Variants in SP4 observed in about 807,000 individuals in gnomAD.
SP4 encodes the protein Sp4 transcription factor.
A neutral mutation model predicts 72.8 loss-of-function variants in SP4; 19 were observed. That is an observed-to-expected ratio of 0.26 (90% CI 0.18 to 0.38). The LOEUF is 0.38. SP4 is among the 10% of genes least tolerant of loss of function. SP4 has a pLI of 1.00. For missense variants in SP4, 1,008 were observed against 926.3 expected, an observed-to-expected ratio of 1.09 and a Z score of -1.14; for synonymous variants, 395 against 333.1, an observed-to-expected ratio of 1.19 and a Z score of -2.02.
intron 3 of SP4, among the ~76,000 whole-genome samples, chr7:21,461,404 C>T (rs117275624): frequency 0.013 from 1,927 of 152,266 alleles, 15 homozygotes; most frequent in South Asian, 0.034. Context: ...TAAGGCCTGG[C>T]GAGAAATCGA....
intron 3 of SP4, among the ~76,000 whole-genome samples, chr7:21,460,036 G>C (rs958549778): frequency 1.3e-5 from 2 of 152,206 alleles, no homozygotes; most frequent in Non-Finnish European, 2.9e-5. Context: ...TCTTCTGAGA[G>C]CCAGGGCAGA....
intron 3 of SP4, among the ~76,000 whole-genome samples, chr7:21,466,274 C>G (rs1002345213): frequency 6.6e-6 from 1 of 152,160 alleles, no homozygotes. Flanking sequence ...AATCTCACTT[C>G]TATACTAAGT....
At position 21,430,177 on chromosome 7, in the gene SP4, T is replaced by G. The variant is rs1298385192; in HGVS notation, c.1012T>G (p.Leu338Val). 1 of 1,614,162 alleles carries G rather than the reference T, an allele frequency of 6.2e-7. No individual in the cohort carries two copies. Among genetic ancestry groups the G allele is most frequent in the East Asian group, 2.2e-5 (1 of 44,882 alleles). ...ASTSLTSSDT[L>V]VSSADTGQYA... is the part of the protein sequence containing the mutation. ...AACGTCTTTGACAAGCAGTGACACA[T>G]TAGTGAGCTCAGCAGATACTGGCCA... Residue 338 changes from leucine (L) to valine (V), a missense_variant, in exon 3 of 6, where the codon TTA becomes GTA. This residue lies in a region of SP4 where 893 missense variants were observed against 743.3 expected (regional missense o/e 1.20). Coordinates refer to ENST00000222584, the MANE Select transcript of SP4 (RefSeq NM_003112.5).
chr7:21,461,222 TG>T (rs1783967120), intron 3 of SP4, among the ~76,000 whole-genome samples: 4 of 152,100 alleles, frequency 2.6e-5, no homozygotes, highest in Admixed American at 2.0e-4. Flanking sequence ...GGGCAGTCGA[TG>T]GGACCGGGTG....
intron 5 of SP4, among the ~76,000 whole-genome samples, chr7:21,498,616 A>G (rs1191002583): frequency 6.6e-6 from 1 of 152,202 alleles, no homozygotes; most frequent in Non-Finnish European, 1.5e-5. Flanking sequence ...AACAACACAG[A>G]GGTGAGGCAA....
At chr7:21,468,068 G>A (rs958324490) in intron 3 of SP4, among the ~76,000 whole-genome samples, 5 of 152,128 alleles carry the variant, frequency 3.3e-5, no homozygotes, top group African/African-American at 1.2e-4. Flanking sequence ...TTTACTATAA[G>A]AAAAAACCTT....
In SP4 at chr7:21,512,292, A is replaced by G. The variant is rs1446231983; in HGVS notation, c.*1023A>G. Reference sequence around the variant, plus strand: ...GCCAGCAGAAAATTCTCTTTTAACTACATTGTAATTCTTGTTTTCCTCTAC... The same window carrying G: ...GCCAGCAGAAAATTCTCTTTTAACTGCATTGTAATTCTTGTTTTCCTCTAC... On this transcript the variant is annotated 3_prime_UTR_variant, in exon 6 of 6. Transcript: ENST00000222584. The G allele has an allele frequency of 6.6e-6, 1 of 152,594 alleles. No homozygotes were observed. The highest frequency in any genetic ancestry group is 1.5e-5 in the Non-Finnish European group (1 of 68,036). The allele number at this position is 152,594 out of a possible 1,614,324, so 9.5% of individuals were successfully genotyped here.
In SP4 at chr7:21,430,428, A is replaced by C. The variant is rs780356227; in HGVS notation, c.1263A>C (p.Pro421=). ...AGCAACAGATCATTCAGGCTATTCCACCACAGTCGTTTCAACTCCAGTCAG... is the reference window on the plus strand; with the variant it reads ...AGCAACAGATCATTCAGGCTATTCCCCCACAGTCGTTTCAACTCCAGTCAG... ...QPQQQIIQAI[P]PQSFQLQSGQ... The change falls in exon 3 of 6, where the codon CCA becomes CCC. Residue 421 remains proline, a synonymous_variant. Transcript: ENST00000222584. The C allele has an allele frequency of 6.2e-7, 1 of 1,614,176 alleles. No individual in the cohort carries two copies. Among genetic ancestry groups the C allele is most frequent in the Non-Finnish European group, 8.5e-7 (1 of 1,180,034 alleles).
At chr7:21,485,409 T>C (rs1404204549) in intron 5 of SP4, among the ~76,000 whole-genome samples, 3 of 152,016 alleles carry the variant, frequency 2.0e-5, no homozygotes, top group African/African-American at 7.2e-5. Flanking sequence ...AAGTTTACTG[T>C]AATAAGGAGG....
At position 21,430,590 on chromosome 7, in the gene SP4, G is replaced by C. The variant is rs1782809910; in HGVS notation, c.1425G>C (p.Gln475His). 3.7e-6 allele frequency: 6 copies of C among 1,614,256 alleles called. No individual in the cohort carries two copies. The highest frequency in any genetic ancestry group is 5.1e-6 in the Non-Finnish European group (6 of 1,180,048). The change falls in exon 3 of 6, where the codon CAG becomes CAC. Residue 475 changes from glutamine (Q) to histidine (H), a missense_variant. This residue lies in a region of SP4 where 893 missense variants were observed against 743.3 expected (regional missense o/e 1.20). Coordinates refer to ENST00000222584, the MANE Select transcript of SP4 (RefSeq NM_003112.5). ...GQISWQTVQV[Q>H]NIQSLSNLQV... ...TCAGTTGGCAAACTGTACAGGTTCA[G>C]AATATTCAGAGTCTTTCAAATTTGC...
intron 3 of SP4, among the ~76,000 whole-genome samples, chr7:21,435,473 T>C (rs1197651488): frequency 2.0e-5 from 3 of 152,212 alleles, no homozygotes; most frequent in African/African-American, 2.4e-5. Flanking sequence ...CTTCTTACAC[T>C]GATCTTTTTT....
chr7:21,465,703 T>C (rs2128404130), intron 3 of SP4, among the ~76,000 whole-genome samples: 2 of 152,112 alleles, frequency 1.3e-5, no homozygotes, highest in East Asian at 3.8e-4. Context: ...CAAGACCTTG[T>C]CACAATAAAA....
chr7:21,469,932 T>A (rs568247896), intron 3 of SP4, among the ~76,000 whole-genome samples: 1 of 152,196 alleles, frequency 6.6e-6, no homozygotes, highest in African/African-American at 2.4e-5. Flanking sequence ...GCAAATGTCA[T>A]AGGAGAAATC....
intron 5 of SP4, among the ~76,000 whole-genome samples, chr7:21,507,358 A>T (rs183886092): frequency 2.0e-5 from 3 of 152,312 alleles, no homozygotes; most frequent in Admixed American, 2.0e-4. Flanking sequence ...TTAAATTTGG[A>T]TAAGGATTTA....
At chr7:21,478,346 G>T (rs1178006516) in intron 4 of SP4, among the ~76,000 whole-genome samples, 2 of 152,086 alleles carry the variant, frequency 1.3e-5, no homozygotes, top group Middle Eastern at 3.4e-3. Flanking sequence ...TGTTTGTGTG[G>T]GCATATGTTT....
chr7:21,437,856 G>A (rs1783099051), intron 3 of SP4, among the ~76,000 whole-genome samples: 1 of 152,058 alleles, frequency 6.6e-6, no homozygotes, highest in African/African-American at 2.4e-5. Context: ...ATTTTAAATG[G>A]GACATTGACA....
At position 21,485,241 on chromosome 7, in the gene SP4, A is replaced by G. The variant is rs181852987; in HGVS notation, c.2107+3118A>G. Among the ~76,000 whole-genome samples, 3 of 152,108 alleles carry G rather than the reference A, an allele frequency of 2.0e-5. No homozygotes were observed. The East Asian group carries it at 5.8e-4, about 29-fold the overall frequency. On this transcript the variant is annotated intron_variant, in intron 5 of 5. Coordinates refer to ENST00000222584, the MANE Select transcript of SP4 (RefSeq NM_003112.5). ...AACAACTATGCTTTATTTGATGTCT[A>G]ACCACTACTACAAATAGAAACTTAT...
chr7:21,508,458 C>T (rs1326980732), intron 5 of SP4, among the ~76,000 whole-genome samples: 1 of 152,158 alleles, frequency 6.6e-6, no homozygotes, highest in African/African-American at 2.4e-5. Flanking sequence ...TCCCAAGTAG[C>T]TGGGATTACA....
chr7:21,470,097 T>C (rs1271775784), intron 3 of SP4, among the ~76,000 whole-genome samples: 1 of 152,218 alleles, frequency 6.6e-6, no homozygotes, highest in Non-Finnish European at 1.5e-5. Flanking sequence ...TTGTCACCCA[T>C]GTGCATGTGT....
Sources: allele counts gnomAD v4.1 joint callset (sites outside exome capture counted in the v4.1 genomes callset), GRCh38; gene constraint gnomAD v4.1.1; regional missense constraint gnomAD v4.1.1; transcripts MANE v1.5; gene names NCBI Gene and HGNC (gene_info 2026-07-23, HGNC 2026-07-21).